The following HID1 variants were observed in gnomAD, a reference collection of about 807,000 sequenced individuals.
The protein encoded by HID1 is HID1 domain containing, also known as protein HID1.
A neutral mutation model predicts 89.7 loss-of-function variants in HID1; 42 were observed. That is an observed-to-expected ratio of 0.47 (90% CI 0.37 to 0.61). The LOEUF (loss-of-function observed/expected upper bound fraction) is 0.61. Ranked by LOEUF, HID1 falls within the 20% of genes least tolerant of loss-of-function variation. The probability of loss-of-function intolerance (pLI) is 0.00; values close to 1 mark genes in which losing one functional copy is unlikely to be tolerated. For missense variants in HID1, 854 were observed against 1,039.3 expected, an observed-to-expected ratio of 0.82 and a Z score of 2.45; for synonymous variants, 442 against 433.8, an observed-to-expected ratio of 1.02 and a Z score of -0.24.
chr17:74,959,898 G>C lies in HID1; in HGVS notation c.991C>G (p.Arg331Gly). The change falls in exon 8 of 19, where the codon CGC becomes GGC. Residue 331 changes from arginine to glycine, a missense_variant. Arg to Gly is a moderately radical substitution (Grantham distance 125, BLOSUM62 -2). Transcript: ENST00000425042. This position sits in a 1 kb window ranked among gnomAD's most constrained non-coding sequence, Gnocchi z 4.6. ...PENLFVNYLS[R>G]IHREEDFQFI... ...GGACTTGCCTCCTCACGATGGATGC[G>C]GGACAGGTAGTTCACAAACAGGTTC... The C allele has an allele frequency of 3.1e-6, 5 of 1,613,696 alleles. No homozygotes were observed. Among genetic ancestry groups the C allele is most frequent in the Non-Finnish European group, 4.2e-6 (5 of 1,180,024 alleles).
At chr17:74,964,691 G>A in intron 1 of HID1, 59 bp from the exon 2 acceptor site, 1 of 1,546,722 alleles carries the variant, frequency 6.5e-7, no homozygotes, top group Non-Finnish European at 8.8e-7. Flanking sequence ...CCTACACTTT[G>A]CCCAACTTGT....
rs767704636 is a variant in HID1, at chr17:74,960,163, G to A, written c.814C>T (p.Leu272Phe). ...VGYGIPYNHL[L>F]FSDYREPLVE... ...AGGGGTTCCCGGTAGTCAGAGAAGA[G>A]CAGGTGGTTGTAGGGGATCCCGTAG... The change falls in exon 7 of 19, where the codon CTC becomes TTC. Residue 272 changes from leucine (L) to phenylalanine (F), a missense_variant. By Grantham distance (22) the Leu-to-Phe change is conservative. Transcript: ENST00000425042. 1.2e-6 allele frequency: 2 copies of A among 1,614,020 alleles called. No homozygotes were observed. The highest frequency in any genetic ancestry group is 3.3e-5 in the Admixed American group (2 of 60,032).
At chr17:74,967,100 G>C (rs1046964685) in intron 1 of HID1, among the ~76,000 whole-genome samples, 1 of 151,894 alleles carries the variant, frequency 6.6e-6, no homozygotes, top group Non-Finnish European at 1.5e-5. Flanking sequence ...TTAGCTGGGT[G>C]TGGTGGTGCA....
intron 13 of HID1, 68 bp from the exon 14 acceptor site, chr17:74,954,433 G>A: frequency 6.5e-7 from 1 of 1,544,368 alleles, no homozygotes. Context: ...ATCTGGGTGG[G>A]CTTCCTGGAA....
intron 13 of HID1, 38 bp downstream of exon 13, chr17:74,955,754 G>A: frequency 6.2e-7 from 1 of 1,603,370 alleles, no homozygotes; most frequent in Non-Finnish European, 8.5e-7. Context: ...AGGCCCGCTG[G>A]CCACCCTGAC....
chr17:74,958,663 C>CCGGG lies in HID1; in HGVS notation c.1240+9_1240+10insCCCG. ...AAGCCCCCAGCATCCCACCCCCACCCTGGTCTTACACTGATCGGCCCGGGC... is the reference window on the plus strand; with the variant it reads ...AAGCCCCCAGCATCCCACCCCCACCCCGGGTGGTCTTACACTGATCGGCCCGGGC... On this transcript the variant is annotated intron_variant, in intron 10 of 18. Transcript: ENST00000425042. This position sits in a 1 kb window ranked among gnomAD's most constrained non-coding sequence, Gnocchi z 5.2. The CCGGG allele has an allele frequency of 1.9e-6, 3 of 1,595,630 alleles. No individual in the cohort carries two copies. The highest frequency in any genetic ancestry group is 2.6e-6 in the Non-Finnish European group (3 of 1,164,210).
Position 74,972,618 on chromosome 17 carries a change from C to T in HID1, c.39G>A (p.Ala13=). Residue 13 remains alanine (A), a synonymous_variant, in exon 1 of 19, where the codon GCG becomes GCA. Transcript: ENST00000425042. The surrounding 1 kb of genome is among the most constrained non-coding windows in gnomAD (Gnocchi z 6.4). The part of the protein sequence containing the change: ...STDSKLNFRK[A]VIQLTTKTQP... ...GCGTCTTGGTGGTGAGCTGGATCAC[C>T]GCCTTCCGGAAGTTCAGCTTGGAGT... 6.5e-7 allele frequency: 1 copy of T among 1,549,100 alleles called. No homozygotes were observed. Among genetic ancestry groups the T allele is most frequent in the Non-Finnish European group, 8.7e-7 (1 of 1,145,768 alleles).
intron 6 of HID1, among the ~76,000 whole-genome samples, chr17:74,960,745 C>G (rs11077767): frequency 0.29 from 44,143 of 152,146 alleles, 6,585 homozygotes; most frequent in Admixed American, 0.38. Flanking sequence ...GCTCCCTTCT[C>G]TTCTGGAGTA....
chr17:74,955,854 T>A lies in HID1; in HGVS notation c.1574A>T (p.Asn525Ile). 6.2e-7 allele frequency: 1 copy of A among 1,614,060 alleles called. No homozygotes were observed. The highest frequency in any genetic ancestry group is 8.5e-7 in the Non-Finnish European group (1 of 1,180,006). The change falls in exon 13 of 19, where the codon AAC (asparagine) becomes ATC (isoleucine). Residue 525 changes from asparagine to isoleucine, a missense_variant. By Grantham distance (149) the Asn-to-Ile change is moderately radical (BLOSUM62 -3). Coordinates refer to ENST00000425042, the MANE Select transcript of HID1 (RefSeq NM_030630.3). ...CAGGAGGAAGAAGACCAGGTGGTGG[T>A]TCTGGGCGGCAGAGAAGAGGAACCA... ...TTWFLFSAAQ[N>I]HHLVFFLLEV...
chr17:74,952,801 C>A (rs1404799349), intron 16 of HID1, among the ~76,000 whole-genome samples: 1 of 152,166 alleles, frequency 6.6e-6, no homozygotes, highest in Non-Finnish European at 1.5e-5. Flanking sequence ...AGGAAGCAAC[C>A]GAGCCAGAGA....
At position 74,954,256 on chromosome 17, in the gene HID1, C is replaced by A. The variant is rs765536118; in HGVS notation, c.1746G>T (p.Arg582=). 6 of 1,588,990 alleles carry A rather than the reference C, an allele frequency of 3.8e-6. No homozygotes were observed. Among genetic ancestry groups the A allele is most frequent in the Non-Finnish European group, 4.3e-6 (5 of 1,168,762 alleles). ...PTIHKALQRR[R]RTPEPLSRTG... Reference sequence around the variant, plus strand: ...TGCGAGACAAGGGCTCAGGTGTCCGCCGGCGCCGCTGCAGGGCCTTGTGAA... The same window carrying A: ...TGCGAGACAAGGGCTCAGGTGTCCGACGGCGCCGCTGCAGGGCCTTGTGAA... Residue 582 remains arginine, a synonymous_variant, in exon 14 of 19, where the codon CGG becomes CGT. Transcript: ENST00000425042.
Position 74,967,628 on chromosome 17 carries a change from T to C in HID1, c.67-2996A>G, listed in dbSNP as rs563792597. 4.0e-5 allele frequency among the ~76,000 whole-genome samples: 6 copies of C among 151,830 alleles called. No individual in the cohort carries two copies. In the South Asian group the frequency reaches 1.0e-3, roughly 26 times the overall value. ...ACTTTGGGAGGCTGAGGCAGATGGA[T>C]TGCTTGAGCCCAGGAGTTTGAGACC... On this transcript the variant is annotated intron_variant, in intron 1 of 18. Transcript: ENST00000425042.
chr17:74,958,649 A>T lies in HID1; in HGVS notation c.1240+24T>A. On this transcript the variant is annotated intron_variant, in intron 10 of 18. Transcript: ENST00000425042. This position sits in a 1 kb window ranked among gnomAD's most constrained non-coding sequence, Gnocchi z 5.2. ...CCTCGCCGCCAGGAAAGCCCCCAGC[A>T]TCCCACCCCCACCCTGGTCTTACAC... is the stretch of plus-strand genomic sequence containing the variant. 6 of 1,059,274 alleles carry T rather than the reference A, an allele frequency of 5.7e-6. No homozygotes were observed. The highest frequency in any genetic ancestry group is 1.3e-5 in the South Asian group (1 of 79,836). The allele number at this position is 1,059,274 out of a possible 1,614,324, so 65.6% of individuals were successfully genotyped here.
chr17:74,954,398 G>T, intron 13 of HID1, 33 bp from the exon 14 acceptor site: 1 of 1,550,426 alleles, frequency 6.4e-7, no homozygotes. Flanking sequence ...GCCTCAGGGA[G>T]GCCCCCTCCA....
chr17:74,951,838 T>G, intron 18 of HID1, 67 bp downstream of exon 18: 9 of 1,454,524 alleles, frequency 6.2e-6, no homozygotes, highest in Non-Finnish European at 7.3e-6. Flanking sequence ...GGCCCAGAGC[T>G]GAGGTCCCTG....
chr17:74,959,983 C>T lies in HID1; in HGVS notation c.951+43G>A, dbSNP rs375719118. 8.1e-6 allele frequency: 13 copies of T among 1,613,374 alleles called. No homozygotes were observed. The highest frequency in any genetic ancestry group is 1.1e-5 in the Non-Finnish European group (13 of 1,179,860). ...TGGTGAGCAGGCGTCCTCCCCACAACCCGTGGCCCCGGCAGCTGTCCCTTC... is the reference window on the plus strand; with the variant it reads ...TGGTGAGCAGGCGTCCTCCCCACAATCCGTGGCCCCGGCAGCTGTCCCTTC... On this transcript the variant is annotated intron_variant, in intron 7 of 18. Transcript: ENST00000425042. This position sits in a 1 kb window ranked among gnomAD's most constrained non-coding sequence, Gnocchi z 4.6.
chr17:74,962,853 T>C lies in HID1; in HGVS notation c.504+112A>G, dbSNP rs1159950823. 2.1e-5 allele frequency: 16 copies of C among 759,816 alleles called. No homozygotes were observed. Among genetic ancestry groups the C allele is most frequent in the South Asian group, 1.7e-5 (1 of 57,998 alleles). The allele number at this position is 759,816 out of a possible 1,614,324, so 47.1% of individuals were successfully genotyped here. A position where few individuals can be genotyped will look rare whatever the true frequency, so the allele number is the denominator to read the frequency against. On this transcript the variant is annotated intron_variant, in intron 4 of 18. Transcript: ENST00000425042. This position sits in a 1 kb window ranked among gnomAD's most constrained non-coding sequence, Gnocchi z 4.3. ...CATGTGCCAGGCAGCTCAGCTCTCC[T>C]GGAGCCCCCCGGCCCCCAGTGCAAT...
At chr17:74,953,211 C>T in intron 15 of HID1, 125 bp from the exon 16 acceptor site, 2 of 880,212 alleles carry the variant, frequency 2.3e-6, no homozygotes, top group Non-Finnish European at 1.7e-6. Flanking sequence ...GCCCAGCAGC[C>T]TTTGCCCCAG....
Position 74,958,705 on chromosome 17 carries a change from AG to A in HID1, c.1207del (p.Leu403SerfsTer16), listed in dbSNP as rs1337192967. 2 of 1,602,166 alleles carry A rather than the reference AG, an allele frequency of 1.2e-6. No homozygotes were observed. Among genetic ancestry groups the A allele is most frequent in the Non-Finnish European group, 1.7e-6 (2 of 1,174,760 alleles). ...GGCCCGGGCATCGTTGAGGAAGAAG[AG>A]GATGGGGACAAGGATGTCTAGGACG... ...SDVLDILVPI[L>X]FFLNDARADQ... On this transcript the variant is annotated frameshift_variant, in exon 10 of 19. Coordinates refer to ENST00000425042, the MANE Select transcript of HID1 (RefSeq NM_030630.3). LOFTEE classifies it high-confidence loss of function. This position sits in a 1 kb window ranked among gnomAD's most constrained non-coding sequence, Gnocchi z 5.2.
Sources: gnomAD v4.1 joint callset for allele counts (sites outside exome capture counted in the v4.1 genomes callset) on GRCh38, gnomAD v4.1.1 for gene constraint, Gnocchi (gnomAD v3.1) non-coding constraint, MANE v1.5 for transcripts, NCBI Gene and HGNC (gene_info 2026-07-23, HGNC 2026-07-21) for gene names.